NSMCE2: variants seen among roughly 807,000 people sequenced by gnomAD.
The protein encoded by NSMCE2 is E3 SUMO-protein ligase NSE2.
NSMCE2 carries 24 observed loss-of-function variants against 23.8 expected under a neutral mutation model. The ratio of observed to expected loss-of-function variants is 1.01; its 90% CI spans 0.73 to 1.42. The LOEUF is 1.42. Among genes scored for constraint, NSMCE2 ranks in the 40% most tolerant of loss-of-function variants. NSMCE2 has a pLI of 0.00. For missense variants in NSMCE2, 284 were observed against 296.5 expected (o/e 0.96, Z 0.31); for synonymous variants, 92 against 94.1 (o/e 0.98, Z 0.13).
At chr8:125,354,812 C>G (rs1453540039) in intron 5 of NSMCE2, among the ~76,000 whole-genome samples, 2 of 152,152 alleles carry the variant, frequency 1.3e-5, no homozygotes, top group Admixed American at 6.6e-5. Context: ...GCTCTGCAGC[C>G]CTTTCCCTGC....
At chr8:125,092,083 G>C (rs1817684777) in intron 1 of NSMCE2, 125 bp downstream of exon 1, 1 of 152,196 alleles carries the variant, frequency 6.6e-6, no homozygotes, top group South Asian at 2.1e-4. Flanking sequence ...AACTTTTCAC[G>C]CCACGGTAGT....
intron 4 of NSMCE2, among the ~76,000 whole-genome samples, chr8:125,152,545 T>C (rs1821090066): frequency 6.6e-6 from 1 of 152,206 alleles, no homozygotes; most frequent in Non-Finnish European, 1.5e-5. Context: ...AGATTAGAGT[T>C]AGGCTTGTTA....
At chr8:125,141,383 A>G (rs531744181) in intron 3 of NSMCE2, among the ~76,000 whole-genome samples, 77 of 152,300 alleles carry the variant, frequency 5.1e-4, no homozygotes, top group Non-Finnish European at 1.0e-3. Flanking sequence ...TTTCTGTGTA[A>G]TAGTCCAGAC....
chr8:125,329,056 A>T (rs1350512635), intron 5 of NSMCE2, among the ~76,000 whole-genome samples: 1 of 152,182 alleles, frequency 6.6e-6, no homozygotes, highest in African/African-American at 2.4e-5. Flanking sequence ...CAGCTACTGT[A>T]TTAGTTAAGA....
At chr8:125,320,235 GGGAGGGA>G (rs1829377943) in intron 5 of NSMCE2, among the ~76,000 whole-genome samples, 1 of 32,866 alleles carries the variant, frequency 3.0e-5, no homozygotes, top group African/African-American at 7.7e-5. Flanking sequence ...AGGGAGGGAA[GGGAGGGA>G]GGGAGGGAGG....
chr8:125,135,058 A>C (rs891898081), intron 3 of NSMCE2, among the ~76,000 whole-genome samples: 1 of 152,012 alleles, frequency 6.6e-6, no homozygotes, highest in African/African-American at 2.4e-5. Flanking sequence ...CAGATGCCAC[A>C]AATGCCAACC....
Position 125,357,324 on chromosome 8 carries a change from C to T in NSMCE2, c.519+5C>T, listed in dbSNP as rs770886768. 1.2e-5 allele frequency: 19 copies of T among 1,556,764 alleles called. No homozygotes were observed. Among genetic ancestry groups the T allele is most frequent in the East Asian group, 4.5e-5 (2 of 44,606 alleles). On this transcript the variant is annotated splice_donor_5th_base_variant and intron_variant, in intron 6 of 7. Transcript: ENST00000287437. ...TTCACCTGCCCCATTACAAAGGTAC[C>T]GCTTCCTCCTACTTCCCCTGAAAGA...
chr8:125,121,168 T>C (rs550737079), intron 3 of NSMCE2, among the ~76,000 whole-genome samples: 2 of 152,304 alleles, frequency 1.3e-5, no homozygotes, highest in East Asian at 3.9e-4. Context: ...AAGCTATATA[T>C]ACATGGTGAG....
At chr8:125,197,685 G>T (rs1445361142) in intron 5 of NSMCE2, among the ~76,000 whole-genome samples, 2 of 152,114 alleles carry the variant, frequency 1.3e-5, no homozygotes, top group Non-Finnish European at 2.9e-5. Flanking sequence ...CTCTTTTTTG[G>T]TTCCATGTGA....
intron 5 of NSMCE2, among the ~76,000 whole-genome samples, chr8:125,337,967 CT>C (rs1268886877): frequency 6.7e-6 from 1 of 150,180 alleles, no homozygotes; most frequent in Non-Finnish European, 1.5e-5. Context: ...TTTTCTGCTT[CT>C]TTTTAAGATA....
chr8:125,175,609 A>G (rs997757425), intron 4 of NSMCE2, among the ~76,000 whole-genome samples: 3 of 152,212 alleles, frequency 2.0e-5, no homozygotes, highest in African/African-American at 7.2e-5. Flanking sequence ...GACTAATTTT[A>G]TACTAGATTC....
Position 125,150,426 on chromosome 8 carries a change from CTTTTTTTTTTTTTT to C in NSMCE2, c.158-733_158-720del, listed in dbSNP as rs71295819. Among the ~76,000 whole-genome samples, 4 of 61,868 alleles carry C rather than the reference CTTTTTTTTTTTTTT, an allele frequency of 6.5e-5. No individual in the cohort carries two copies. The East Asian group carries it at 1.4e-3, about 22-fold the overall frequency. 40.6% of individuals were successfully genotyped at this position (61,868 alleles called of 152,430 possible). A position where few individuals can be genotyped will look rare whatever the true frequency, so the allele number is the denominator to read the frequency against. On this transcript the variant is annotated intron_variant, in intron 3 of 7. Coordinates refer to ENST00000287437, the MANE Select transcript of NSMCE2 (RefSeq NM_173685.4). ...TTTTCTTTTTTTCTTTTCTTTCTTT[CTTTTTTTTTTTTTT>C]TTTTTTTTTTTGAGATGGAGTCTCA...
intron 3 of NSMCE2, among the ~76,000 whole-genome samples, chr8:125,120,062 T>C (rs1482009749): frequency 6.6e-6 from 1 of 152,174 alleles, no homozygotes; most frequent in African/African-American, 2.4e-5. Flanking sequence ...TCTAAAATAT[T>C]TTAACATATA....
chr8:125,241,028 T>G (rs1473746190), intron 5 of NSMCE2, among the ~76,000 whole-genome samples: 5 of 152,212 alleles, frequency 3.3e-5, no homozygotes, highest in African/African-American at 4.8e-5. Context: ...CAGAAGTGTT[T>G]TGGATTTCAG....
chr8:125,324,889 C>A (rs1829599161), intron 5 of NSMCE2, among the ~76,000 whole-genome samples: 2 of 150,856 alleles, frequency 1.3e-5, no homozygotes, highest in Non-Finnish European at 1.5e-5. Flanking sequence ...TGATAAAATT[C>A]TTTATGATGC....
At chr8:125,290,839 G>A (rs980160288) in intron 5 of NSMCE2, among the ~76,000 whole-genome samples, 4 of 152,154 alleles carry the variant, frequency 2.6e-5, no homozygotes, top group Admixed American at 1.3e-4. Flanking sequence ...AAAGGATAAT[G>A]TAGTAGCACT....
chr8:125,167,727 A>C (rs545294407), intron 4 of NSMCE2, among the ~76,000 whole-genome samples: 1 of 151,962 alleles, frequency 6.6e-6, no homozygotes, highest in African/African-American at 2.4e-5. Flanking sequence ...ACTTGGGGGG[A>C]AAAATCAGTG....
intron 5 of NSMCE2, among the ~76,000 whole-genome samples, chr8:125,202,735 TATAAGG>T (rs1823939960): frequency 6.6e-6 from 1 of 152,200 alleles, no homozygotes; most frequent in African/African-American, 2.4e-5. Context: ...ACTTAAATTG[TATAAGG>T]ATAAACATTT....
chr8:125,149,190 G>T (rs1342856227), intron 3 of NSMCE2, among the ~76,000 whole-genome samples: 1 of 152,060 alleles, frequency 6.6e-6, no homozygotes, highest in Non-Finnish European at 1.5e-5. Flanking sequence ...ACCCTCCCCT[G>T]ACCCCCTAAC....
Sources: gnomAD v4.1 joint callset for allele counts (sites outside exome capture counted in the v4.1 genomes callset) on GRCh38, gnomAD v4.1.1 for gene constraint, MANE v1.5 for transcripts, NCBI Gene and HGNC (gene_info 2026-07-23, HGNC 2026-07-21) for gene names.